Variants in SNX8 observed in about 807,000 individuals in gnomAD.
The protein encoded by SNX8 is sorting nexin 8, also known as sorting nexin-8.
In SNX8, 25 loss-of-function variants were observed where a neutral mutation model predicts 51.6. The observed-to-expected ratio is 0.48, with a 90% CI of 0.35 to 0.68. SNX8 has a LOEUF of 0.68. SNX8 is among the 30% of genes least tolerant of loss of function. The probability of loss-of-function intolerance (pLI) is 0.00; values close to 1 mark genes in which losing one functional copy is unlikely to be tolerated. For synonymous variants in SNX8, 324 were observed against 277.0 expected (o/e 1.17, Z -1.68); for missense variants, 695 against 624.0 (o/e 1.11, Z -1.21).
intron 1 of SNX8, among the ~76,000 whole-genome samples, chr7:2,329,831 CT>C (rs71023395): frequency 0.55 from 77,952 of 142,444 alleles, 21,177 homozygotes; most frequent in South Asian, 0.64. Flanking sequence ...TTGCAATGTC[CT>C]TTTTTTTTTT....
chr7:2,312,912 T>G (rs111226742), intron 1 of SNX8, among the ~76,000 whole-genome samples: 1,631 of 151,340 alleles, frequency 0.011, 24 homozygotes, highest in East Asian at 0.033. Context: ...GTTTTGTTTT[T>G]TTTGAGGCGG....
chr7:2,300,481 T>C (rs1048302081), intron 1 of SNX8, among the ~76,000 whole-genome samples: 44 of 152,072 alleles, frequency 2.9e-4, no homozygotes, highest in African/African-American at 1.0e-3. Context: ...GGCACGATCT[T>C]AGCTCACTGT....
intron 3 of SNX8, among the ~76,000 whole-genome samples, chr7:2,274,628 C>G (rs182596199): frequency 1.3e-5 from 2 of 152,348 alleles, no homozygotes; most frequent in Admixed American, 1.3e-4. Flanking sequence ...TTCTCTCCTG[C>G]AAGATGCAGC....
At chr7:2,301,148 C>G (rs1046608885) in intron 1 of SNX8, among the ~76,000 whole-genome samples, 1 of 152,202 alleles carries the variant, frequency 6.6e-6, no homozygotes, top group South Asian at 2.1e-4. Flanking sequence ...AAGGTCTGTG[C>G]AACTATCTCC....
intron 1 of SNX8, among the ~76,000 whole-genome samples, chr7:2,329,540 C>T (rs1778692622): frequency 6.6e-6 from 1 of 152,124 alleles, no homozygotes; most frequent in South Asian, 2.1e-4. Context: ...AGCCTCTGAC[C>T]TTCTCCTGGT....
chr7:2,257,732 C>T lies in SNX8; in HGVS notation c.984+3G>A, dbSNP rs1266485657. Reference sequence around the variant, plus strand: ...CCCCAGCCAAGGAGCAGCCAAGACTCACCTTATAGGACTGCAGCAGATCCA... The same window carrying T: ...CCCCAGCCAAGGAGCAGCCAAGACTTACCTTATAGGACTGCAGCAGATCCA... On this transcript the variant is annotated splice_donor_region_variant and intron_variant, in intron 8 of 10. Transcript: ENST00000222990. 1 of 1,613,516 alleles carries T rather than the reference C, an allele frequency of 6.2e-7. No homozygotes were observed. The highest frequency in any genetic ancestry group is 8.5e-7 in the Non-Finnish European group (1 of 1,179,656).
intron 1 of SNX8, among the ~76,000 whole-genome samples, chr7:2,312,794 C>T (rs977259356): frequency 1.3e-5 from 2 of 152,148 alleles, no homozygotes; most frequent in African/African-American, 2.4e-5. Flanking sequence ...CACACCAACA[C>T]CCACCTACAT....
At chr7:2,276,771 C>T (rs1456843847) in intron 2 of SNX8, among the ~76,000 whole-genome samples, 2 of 152,116 alleles carry the variant, frequency 1.3e-5, no homozygotes, top group African/African-American at 4.8e-5. Flanking sequence ...ATAGTGAGAT[C>T]CCATCTCTAC....
chr7:2,291,851 T>G (rs867270471), intron 1 of SNX8, among the ~76,000 whole-genome samples: 1 of 152,264 alleles, frequency 6.6e-6, no homozygotes, highest in South Asian at 2.1e-4. Context: ...TCTCCCAAAC[T>G]AAAACAAACA....
rs10224256 is a variant in SNX8 at position 2,332,677 on chromosome 7, G to C, written c.-66+21545C>G. On this transcript the variant is annotated intron_variant, in intron 1 of 5. Transcript: ENST00000435336. ...AGGCAGGAGGACTGCTTAAGTCCGG[G>C]ACATCAAGGCTACTGTGAGCTATAA... 1.5e-3 allele frequency among the ~76,000 whole-genome samples: 221 copies of C among 151,650 alleles called. 1 individual carries two copies. Among genetic ancestry groups the C allele is most frequent in the African/African-American group, 4.9e-3 (203 of 41,328 alleles).
At chr7:2,352,142 A>C (rs531378656) in intron 1 of SNX8, among the ~76,000 whole-genome samples, 4 of 152,016 alleles carry the variant, frequency 2.6e-5, no homozygotes, top group African/African-American at 9.6e-5. Flanking sequence ...TCCTGACCTC[A>C]TGTAATGCAT....
intron 1 of SNX8, among the ~76,000 whole-genome samples, chr7:2,332,209 A>G (rs2115236518): frequency 6.6e-6 from 1 of 150,700 alleles, no homozygotes; most frequent in African/African-American, 2.4e-5. Context: ...GCTGTCTCAG[A>G]AAAAAATATA....
chr7:2,320,851 C>A (rs1303248371), intron 1 of SNX8, among the ~76,000 whole-genome samples: 4 of 151,970 alleles, frequency 2.6e-5, no homozygotes, highest in African/African-American at 7.3e-5. Context: ...GAAACCCTGT[C>A]TCTACTAAAA....
At chr7:2,273,054 G>A (rs1002348919) in intron 3 of SNX8, among the ~76,000 whole-genome samples, 5 of 150,028 alleles carry the variant, frequency 3.3e-5, no homozygotes, top group South Asian at 2.1e-4. Flanking sequence ...TGCTGGTCTC[G>A]AACTCCTGAC....
At chr7:2,328,353 G>T (rs541610680) in intron 1 of SNX8, among the ~76,000 whole-genome samples, 1 of 151,222 alleles carries the variant, frequency 6.6e-6, no homozygotes, top group Non-Finnish European at 1.5e-5. Context: ...CACCATGCCT[G>T]GCCTGTTTTT....
chr7:2,257,720 G>A lies in SNX8; in HGVS notation c.984+15C>T. The A allele has an allele frequency of 6.2e-7, 1 of 1,612,748 alleles. No individual in the cohort carries two copies. The highest frequency in any genetic ancestry group is 1.1e-5 in the South Asian group (1 of 91,064). ...TGAAAGTTCTGCCCCCAGCCAAGGA[G>A]CAGCCAAGACTCACCTTATAGGACT... On this transcript the variant is annotated intron_variant, in intron 8 of 10. Transcript: ENST00000222990.
chr7:2,268,947 AGGTGAGGGGC>A (rs1795568801), intron 5 of SNX8, among the ~76,000 whole-genome samples: 1 of 130,116 alleles, frequency 7.7e-6, no homozygotes, highest in Admixed American at 7.8e-5. Flanking sequence ...CCCGTCCGGG[AGGTGAGGGGC>A]GCCTCTGCCC....
chr7:2,304,059 C>T (rs1280605542), intron 1 of SNX8, among the ~76,000 whole-genome samples: 4 of 148,708 alleles, frequency 2.7e-5, no homozygotes, highest in South Asian at 2.1e-4. Flanking sequence ...CCCAGCTACT[C>T]GGGAGGCTGA....
Position 2,253,881 on chromosome 7 carries a change from C to T in SNX8, c.*1175G>A, listed in dbSNP as rs1033131278. 2.0e-5 allele frequency: 3 copies of T among 152,310 alleles called. No homozygotes were observed. The highest frequency in any genetic ancestry group is 4.4e-5 in the Non-Finnish European group (3 of 68,144). 9.4% of individuals were successfully genotyped at this position (152,310 alleles called of 1,614,324 possible). On this transcript the variant is annotated 3_prime_UTR_variant, in exon 11 of 11. Transcript: ENST00000222990. ...GCGGAGCGGAGGGACCTCGGAAACC[C>T]TGGAGCCCGGCGGGCCTCTTCCAGC...
Sources: allele counts gnomAD v4.1 joint callset (sites outside exome capture counted in the v4.1 genomes callset), GRCh38; gene constraint gnomAD v4.1.1; transcripts MANE v1.5; gene names NCBI Gene and HGNC (gene_info 2026-07-23, HGNC 2026-07-21).